OXTR: variants seen among roughly 807,000 people sequenced by gnomAD.
The protein encoded by OXTR is oxytocin receptor.
In OXTR, 19 loss-of-function variants were observed where a neutral mutation model predicts 23.9. The observed-to-expected ratio is 0.80, with a 90% CI of 0.56 to 1.17. The LOEUF is 1.17. Among genes scored for constraint, OXTR ranks in the 50% most tolerant of loss-of-function variants. The probability of loss-of-function intolerance (pLI) is 0.00; values close to 1 mark genes in which losing one functional copy is unlikely to be tolerated. For synonymous variants in OXTR, 278 were observed against 250.5 expected (o/e 1.11, Z -1.04); for missense variants, 500 against 550.7 (o/e 0.91, Z 0.92).
At chr3:8,763,625 A>G (rs1040933677) in intron 3 of OXTR, among the ~76,000 whole-genome samples, 1 of 152,190 alleles carries the variant, frequency 6.6e-6, no homozygotes, top group Non-Finnish European at 1.5e-5. Flanking sequence ...TGGCTTTGGA[A>G]TTTAATTCTG....
At chr3:8,746,043 G>A (rs1708151680), downstream of OXTR, 3 of 596,726 alleles carry the variant, frequency 5.0e-6, no homozygotes, top group African/African-American at 1.9e-5. Flanking sequence ...AGCCACAGAA[G>A]CACAATGGCC....
intron 3 of OXTR, among the ~76,000 whole-genome samples, chr3:8,766,656 G>C (rs1708614698): frequency 6.6e-6 from 1 of 152,140 alleles, no homozygotes; most frequent in Non-Finnish European, 1.5e-5. Context: ...TCGATGAGGA[G>C]TTCAGGGATT....
In OXTR at chr3:8,767,558, G is replaced by A. The variant is rs761354136; in HGVS notation, c.630C>T (p.Ile210=). ...AGGCAGCGAGCACGATGACCGGCAC[G>A]ATGTAGACAGCTAGCGTGATCCATG... The part of the protein sequence containing the change: ...YITWITLAVY[I]VPVIVLAACY... Residue 210 remains isoleucine (I), a synonymous_variant, in exon 3 of 4, where the codon ATC becomes ATT. Transcript: ENST00000316793. 2 of 1,613,382 alleles carry A rather than the reference G, an allele frequency of 1.2e-6. No homozygotes were observed. Among genetic ancestry groups the A allele is most frequent in the East Asian group, 2.2e-5 (1 of 44,832 alleles).
rs746388345 is a variant in OXTR at position 8,767,262 on chromosome 3, C to T, written c.922+4G>A. ...CTCCTCCTGGGTCTCCCAGCCCTGG[C>T]TACCTTCCTTGGGCGCGTTGGCATC... On this transcript the variant is annotated splice_donor_region_variant and intron_variant, in intron 3 of 3. Transcript: ENST00000316793. 6.5e-7 allele frequency: 1 copy of T among 1,533,436 alleles called. No homozygotes were observed. Among genetic ancestry groups the T allele is most frequent in the Non-Finnish European group, 8.8e-7 (1 of 1,141,786 alleles). 95.0% of individuals were successfully genotyped at this position (1,533,436 alleles called of 1,614,324 possible).
In OXTR at chr3:8,751,347, T is replaced by G. The variant is rs1708254018; in HGVS notation, c.*1630A>C. 1 of 152,226 alleles carries G rather than the reference T, an allele frequency of 6.6e-6. No homozygotes were observed. 9.4% of individuals were successfully genotyped at this position (152,226 alleles called of 1,614,324 possible). On this transcript the variant is annotated 3_prime_UTR_variant, in exon 4 of 4. Transcript: ENST00000316793. ...TTCTGCAGGTTATCTTTTCACCTTC[T>G]TGATAGGGTCTTTTCAATCACAAAA...
chr3:8,761,711 T>A (rs1708491583), intron 3 of OXTR, among the ~76,000 whole-genome samples: 1 of 152,172 alleles, frequency 6.6e-6, no homozygotes, highest in African/African-American at 2.4e-5. Flanking sequence ...CAGGCCTTGC[T>A]CACAGTGGGC....
chr3:8,741,435 G>A, the OXTR span, among the ~76,000 whole-genome samples: 106 of 152,288 alleles, frequency 7.0e-4, no homozygotes, highest in South Asian at 4.4e-3. Flanking sequence ...AATAGGGGAG[G>A]AAGCTGGGAT....
chr3:8,749,431 A>T (rs149760009), downstream of OXTR, among the ~76,000 whole-genome samples: 39 of 152,196 alleles, frequency 2.6e-4, no homozygotes, highest in African/African-American at 8.9e-4. Context: ...TTTGATCCCC[A>T]GTGGCCTCTG....
downstream of OXTR, among the ~76,000 whole-genome samples, chr3:8,748,764 C>A (rs1708207297): frequency 6.6e-6 from 1 of 152,186 alleles, no homozygotes; most frequent in Non-Finnish European, 1.5e-5. Flanking sequence ...CTATTGAATA[C>A]AAAAAGTGTT....
intron 3 of OXTR, among the ~76,000 whole-genome samples, chr3:8,759,141 A>G (rs1197585384): frequency 1.3e-5 from 2 of 152,236 alleles, no homozygotes; most frequent in African/African-American, 2.4e-5. Context: ...ATAGATAGGA[A>G]AGAAGAAATG....
Position 8,767,739 on chromosome 3 carries a change from C to CGGCGCAGCG in OXTR, c.440_448dup (p.Arg149_Arg150insProLeuArg), listed in dbSNP as rs1708657053. 6.2e-7 allele frequency: 1 copy of CGGCGCAGCG among 1,609,422 alleles called. No homozygotes were observed. ...GAGCACTGCCAGGCGGTCGGTGCGG[C>CGGCGCAGCG]GGCGCAGCGAGCGCAGCGGCTGGCA... is the stretch of plus-strand genomic sequence containing the variant. On this transcript the variant is annotated inframe_insertion, in exon 3 of 4. Transcript: ENST00000316793.
At chr3:8,746,874 C>T (rs961729103), downstream of OXTR, 1 of 151,512 alleles carries the variant, frequency 6.6e-6, no homozygotes. Flanking sequence ...CAGAACTTAG[C>T]CATTAAAAAA....
chr3:8,745,824 A>C, downstream of OXTR: 1 of 1,613,760 alleles, frequency 6.2e-7, no homozygotes, highest in Non-Finnish European at 8.5e-7. The surrounding 1 kb of genome is among the most constrained non-coding windows in gnomAD (Gnocchi z 4.8). Context: ...GCCCTGGGCC[A>C]GGTCTGCAGC....
At chr3:8,761,947 G>C (rs1465000489) in intron 3 of OXTR, among the ~76,000 whole-genome samples, 1 of 152,220 alleles carries the variant, frequency 6.6e-6, no homozygotes, top group Admixed American at 6.5e-5. Flanking sequence ...CTGTCTCCTG[G>C]GGCTGGGGGC....
At position 8,752,819 on chromosome 3, in the gene OXTR, T is replaced by C. The variant is rs1218441649; in HGVS notation, c.*158A>G. On this transcript the variant is annotated 3_prime_UTR_variant, in exon 4 of 4. Coordinates refer to ENST00000316793, the MANE Select transcript of OXTR (RefSeq NM_000916.4). ...CTGAGTCCCCTATCATCTTCCATCATGGAGGCCACTCTCCACCCCACTGAA... is the reference window on the plus strand; with the variant it reads ...CTGAGTCCCCTATCATCTTCCATCACGGAGGCCACTCTCCACCCCACTGAA... The C allele has an allele frequency of 7.1e-6, 5 of 707,356 alleles. No individual in the cohort carries two copies. Among genetic ancestry groups the C allele is most frequent in the South Asian group, 1.9e-5 (1 of 51,786 alleles). 43.8% of individuals were successfully genotyped at this position (707,356 alleles called of 1,614,324 possible). A position where few individuals can be genotyped will look rare whatever the true frequency, so the allele number is the denominator to read the frequency against.
the OXTR span, among the ~76,000 whole-genome samples, chr3:8,743,443 CT>C: frequency 6.6e-6 from 1 of 152,138 alleles, no homozygotes; most frequent in African/African-American, 2.4e-5. Flanking sequence ...AAGTAACATC[CT>C]TCCTGAGAAG....
the OXTR span, chr3:8,742,427 G>A: frequency 4.3e-5 from 18 of 422,584 alleles, no homozygotes; most frequent in Admixed American, 1.7e-4. Flanking sequence ...AGCCATTGGC[G>A]GTAGGATTAT....
At chr3:8,745,494 T>C (rs370587820), downstream of OXTR, 49 of 1,218,930 alleles carry the variant, frequency 4.0e-5, no homozygotes, top group African/African-American at 5.4e-4. The surrounding 1 kb of genome is among the most constrained non-coding windows in gnomAD (Gnocchi z 4.8). Flanking sequence ...GTGGCTTCTG[T>C]GAGTTGAGGC....
the OXTR span, among the ~76,000 whole-genome samples, chr3:8,743,520 T>C: frequency 1.5e-4 from 23 of 152,346 alleles, no homozygotes; most frequent in African/African-American, 5.5e-4. Flanking sequence ...TCATCTCTGA[T>C]GAAACCTGCA....
Sources: gnomAD v4.1 joint callset for allele counts (sites outside exome capture counted in the v4.1 genomes callset) on GRCh38, gnomAD v4.1.1 for gene constraint, Gnocchi (gnomAD v3.1) non-coding constraint, MANE v1.5 for transcripts, NCBI Gene and HGNC (gene_info 2026-07-23, HGNC 2026-07-21) for gene names.